Variants in EML1 observed in about 807,000 individuals in gnomAD.
EML1 encodes the protein EMAP like 1.
EML1 carries 27 observed loss-of-function variants against 110.4 expected under a neutral mutation model. That is an observed-to-expected ratio of 0.24 (90% CI 0.18 to 0.34). EML1 has a LOEUF of 0.34. Among genes scored for constraint, EML1 ranks in the 10% least tolerant of loss-of-function variants. The pLI, the probability that EML1 is intolerant of heterozygous loss-of-function variation, is 1.00. For missense variants in EML1, 741 were observed against 1,030.9 expected (o/e 0.72, Z 3.85); for synonymous variants, 344 against 385.8 (o/e 0.89, Z 1.27).
intron 2 of EML1, among the ~76,000 whole-genome samples, chr14:99,859,011 TAATATC>T (rs2139858508): frequency 6.6e-6 from 1 of 152,330 alleles, no homozygotes; most frequent in African/African-American, 2.4e-5. Flanking sequence ...GATTATAACT[TAATATC>T]AAAAAAATGC....
rs1177453950 is a variant in EML1 at position 99,802,513 on chromosome 14, C to T, written c.67+8970C>T. Reference sequence around the variant, plus strand: ...CCTGGGCGGGGTGTTGGGAGCAAGACGCAGGAGATACTTAGTGGGTAACAT... The same window carrying T: ...CCTGGGCGGGGTGTTGGGAGCAAGATGCAGGAGATACTTAGTGGGTAACAT... On this transcript the variant is annotated intron_variant, in intron 1 of 21. Coordinates refer to ENST00000262233, the MANE Select transcript of EML1 (RefSeq NM_004434.3). Among the ~76,000 whole-genome samples, 4 of 151,838 alleles carry T rather than the reference C, an allele frequency of 2.6e-5. No individual in the cohort carries two copies. The East Asian group carries it at 5.8e-4, about 22-fold the overall frequency.
At chr14:99,878,357 C>A in intron 3 of EML1, 128 bp from the exon 4 acceptor site, 1 of 1,387,264 alleles carries the variant, frequency 7.2e-7, no homozygotes, top group Non-Finnish European at 9.7e-7. Context: ...TTTTTGATCT[C>A]CGTTGCTAGG....
At chr14:99,887,087 G>T (rs568083225) in intron 4 of EML1, among the ~76,000 whole-genome samples, 1 of 152,328 alleles carries the variant, frequency 6.6e-6, no homozygotes, top group South Asian at 2.1e-4. Context: ...ACTGCTGTCT[G>T]TTGGTGTGAG....
chr14:99,919,979 TC>T (rs2060103026), intron 16 of EML1, among the ~76,000 whole-genome samples: 1 of 152,124 alleles, frequency 6.6e-6, no homozygotes, highest in African/African-American at 2.4e-5. Flanking sequence ...TATCCATTTA[TC>T]CTTATCCATT....
Position 99,909,493 on chromosome 14 carries a change from A to G in EML1, c.1239+14A>G. On this transcript the variant is annotated intron_variant, in intron 11 of 21. Transcript: ENST00000262233. ...GGATTATTCGAGGTAAAGTTAAATT[A>G]TGATTTTTGCTTTATTTTTCTCTCG... 2 of 1,613,966 alleles carry G rather than the reference A, an allele frequency of 1.2e-6. No homozygotes were observed. Among genetic ancestry groups the G allele is most frequent in the Non-Finnish European group, 1.7e-6 (2 of 1,179,938 alleles).
At chr14:99,785,767 G>C (rs1165096649) in intron 1 of EML1, among the ~76,000 whole-genome samples, 8 of 148,762 alleles carry the variant, frequency 5.4e-5, no homozygotes, top group Non-Finnish European at 1.1e-4. Context: ...CAACGGAGAG[G>C]CTCCTTCACA....
intron 13 of EML1, 154 bp downstream of exon 13, chr14:99,911,730 G>T: frequency 1.2e-6 from 1 of 829,228 alleles, no homozygotes; most frequent in Non-Finnish European, 1.8e-6. Flanking sequence ...TCCTGAGGCA[G>T]GTTAAATATA....
In EML1 at chr14:99,927,814, G is replaced by T. The variant is rs1229602699; in HGVS notation, c.1909+6937G>T. 1.7e-4 allele frequency among the ~76,000 whole-genome samples: 9 copies of T among 51,752 alleles called. 1 individual carries two copies. Among genetic ancestry groups the T allele is most frequent in the African/African-American group, 4.1e-4 (4 of 9,680 alleles). 34.0% of individuals were successfully genotyped at this position (51,752 alleles called of 152,430 possible). On this transcript the variant is annotated intron_variant, in intron 17 of 21. Coordinates refer to ENST00000262233, the MANE Select transcript of EML1 (RefSeq NM_004434.3). ...GGTATTGGTGGTGGGGGGGGTGGGG[G>T]GGTGGTGGTGGTGGTGGTATTGGTG...
In EML1 at chr14:99,800,456, G is replaced by T. The variant is rs552809296; in HGVS notation, c.67+6913G>T. Among the ~76,000 whole-genome samples the T allele has an allele frequency of 1.4e-4, 21 of 152,070 alleles. 1 individual carries two copies. The South Asian group carries it at 4.4e-3, about 32-fold the overall frequency. ...ATGGCTCACTGACCTCGAACCCTTG[G>T]ACTCTAGCAATCCTCACACCTCAGC... On this transcript the variant is annotated intron_variant, in intron 1 of 21. Transcript: ENST00000262233.
chr14:99,797,645 A>T (rs988150696), intron 1 of EML1, among the ~76,000 whole-genome samples: 16 of 152,238 alleles, frequency 1.1e-4, no homozygotes, highest in African/African-American at 3.4e-4. Context: ...AATGTTGCTC[A>T]TGCATTTCCA....
intron 1 of EML1, among the ~76,000 whole-genome samples, chr14:99,767,733 C>T (rs772082249): frequency 6.6e-6 from 1 of 152,112 alleles, no homozygotes; most frequent in Non-Finnish European, 1.5e-5. Context: ...TACAAGCCCC[C>T]CCTTATTTCA....
rs2060578156 is a variant in EML1, at chr14:99,940,911, ATTGTAC to A, written c.*805_*810del. Reference sequence around the variant, plus strand: ...TGTATATTACTTGGCATGAGATGATATTGTACTTGTATAGGATTCTAGCAATTCATA... The same window carrying A: ...TGTATATTACTTGGCATGAGATGATATTGTATAGGATTCTAGCAATTCATA... On this transcript the variant is annotated 3_prime_UTR_variant, in exon 22 of 22. Transcript: ENST00000262233. 1 of 152,212 alleles carries A rather than the reference ATTGTAC, an allele frequency of 6.6e-6. No homozygotes were observed. Among genetic ancestry groups the A allele is most frequent in the Non-Finnish European group, 1.5e-5 (1 of 68,034 alleles). The allele number at this position is 152,212 out of a possible 1,614,324, so 9.4% of individuals were successfully genotyped here. A position where few individuals can be genotyped will look rare whatever the true frequency, so the allele number is the denominator to read the frequency against.
chr14:99,939,958 G>C lies in EML1; in HGVS notation c.2323-29G>C, dbSNP rs777623196. 4 of 1,507,136 alleles carry C rather than the reference G, an allele frequency of 2.7e-6. No individual in the cohort carries two copies. The highest frequency in any genetic ancestry group is 3.6e-6 in the Non-Finnish European group (4 of 1,123,948). 93.4% of individuals were successfully genotyped at this position (1,507,136 alleles called of 1,614,324 possible). On this transcript the variant is annotated intron_variant, in intron 21 of 21. Transcript: ENST00000262233. The surrounding 1 kb of genome is among the most constrained non-coding windows in gnomAD (Gnocchi z 4.2). ...CCAGATGGTTCGCCTTGTAGTAAAG[G>C]AAGCTTTCCCCCGTATCATTCCCTC... is the stretch of plus-strand genomic sequence containing the variant.
intron 1 of EML1, among the ~76,000 whole-genome samples, chr14:99,801,974 C>CATGACA (rs2057889597): frequency 6.6e-6 from 1 of 152,200 alleles, no homozygotes; most frequent in Non-Finnish European, 1.5e-5. Context: ...GTGTTATTTT[C>CATGACA]ACACTCACTT....
At position 99,784,779 on chromosome 14, in the gene EML1, C is replaced by T. The variant is rs927583519; in HGVS notation, c.-27+10766C>T. On this transcript the variant is annotated intron_variant, in intron 1 of 22. Coordinates refer to the EML1 transcript ENST00000327921. The surrounding 1 kb of genome is among the most constrained non-coding windows in gnomAD (Gnocchi z 4.5). ...CTTCACCAGGCTGACAAGGTCTCACCTTCATAAGATAAGCTGTAGAACTGC... is the reference window on the plus strand; with the variant it reads ...CTTCACCAGGCTGACAAGGTCTCACTTTCATAAGATAAGCTGTAGAACTGC... Among the ~76,000 whole-genome samples the T allele has an allele frequency of 2.6e-5, 4 of 152,250 alleles. No individual in the cohort carries two copies. Among genetic ancestry groups the T allele is most frequent in the African/African-American group, 7.2e-5 (3 of 41,472 alleles).
At chr14:99,792,363 G>C (rs1337159289), upstream of EML1, among the ~76,000 whole-genome samples, 1 of 152,164 alleles carries the variant, frequency 6.6e-6, no homozygotes, top group African/African-American at 2.4e-5. Context: ...AGTCTCTTTG[G>C]GACCAAGCTC....
chr14:99,752,367 C>T (rs1213860105), intron 1 of EML1, among the ~76,000 whole-genome samples: 4 of 152,222 alleles, frequency 2.6e-5, no homozygotes, highest in Admixed American at 6.5e-5. Context: ...ACGCCAGGGT[C>T]GCCGGGCGGA....
chr14:99,901,227 A>C (rs2059758247), intron 9 of EML1, among the ~76,000 whole-genome samples, 188 bp downstream of exon 9: 1 of 152,148 alleles, frequency 6.6e-6, no homozygotes, highest in Non-Finnish European at 1.5e-5. Flanking sequence ...TCAGGGACAC[A>C]CACTTCCTTC....
At chr14:99,864,934 A>G (rs1216641619) in intron 2 of EML1, among the ~76,000 whole-genome samples, 1 of 152,100 alleles carries the variant, frequency 6.6e-6, no homozygotes, top group Non-Finnish European at 1.5e-5. Flanking sequence ...TCTGTAAAAC[A>G]GTGGTCTCCA....
Sources: gnomAD v4.1 joint callset for allele counts (sites outside exome capture counted in the v4.1 genomes callset) on GRCh38, gnomAD v4.1.1 for gene constraint, Gnocchi (gnomAD v3.1) non-coding constraint, MANE v1.5 for transcripts, NCBI Gene and HGNC (gene_info 2026-07-23, HGNC 2026-07-21) for gene names.